PLD5: variants seen among roughly 807,000 people sequenced by gnomAD.
PLD5 encodes phospholipase D family member 5.
PLD5 carries 36 observed loss-of-function variants against 61.1 expected under a neutral mutation model. The ratio of observed to expected loss-of-function variants is 0.59; its 90% CI spans 0.45 to 0.78. PLD5 has a LOEUF of 0.78. Ranked by LOEUF, PLD5 falls within the 30% of genes least tolerant of loss-of-function variation. The pLI, the probability that PLD5 is intolerant of heterozygous loss-of-function variation, is 0.00. For missense variants in PLD5, 515 were observed against 644.4 expected (o/e 0.80, Z 2.17); for synonymous variants, 243 against 242.8 (o/e 1.00, Z -0.01).
intron 2 of PLD5, among the ~76,000 whole-genome samples, chr1:242,327,811 A>T (rs549672108): frequency 1.1e-4 from 16 of 152,306 alleles, no homozygotes; most frequent in African/African-American, 3.8e-4. Context: ...TCTATCAAGA[A>T]CCAGGCACAG....
intron 4 of PLD5, among the ~76,000 whole-genome samples, chr1:242,236,822 T>C (rs998933068): frequency 6.6e-6 from 1 of 152,242 alleles, no homozygotes; most frequent in Non-Finnish European, 1.5e-5. Flanking sequence ...CATTCCTTTT[T>C]CAACTTCAGA....
intron 1 of PLD5, among the ~76,000 whole-genome samples, chr1:242,455,735 A>G (rs998622354): frequency 6.6e-6 from 1 of 152,244 alleles, no homozygotes; most frequent in Non-Finnish European, 1.5e-5. Flanking sequence ...AGCTCACTTT[A>G]TATGGCATTT....
intron 1 of PLD5, among the ~76,000 whole-genome samples, chr1:242,353,405 G>T (rs964441616): frequency 6.6e-5 from 10 of 152,184 alleles, no homozygotes; most frequent in African/African-American, 2.2e-4. Context: ...GTACTATGTT[G>T]CTTTAATTAC....
chr1:242,398,816 G>A (rs903224456), intron 1 of PLD5, among the ~76,000 whole-genome samples: 4 of 152,192 alleles, frequency 2.6e-5, no homozygotes, highest in Non-Finnish European at 5.9e-5. Context: ...AGACTTGAGA[G>A]ATCTCCAAAT....
At chr1:242,399,014 A>G (rs1056023548) in intron 1 of PLD5, among the ~76,000 whole-genome samples, 1 of 152,202 alleles carries the variant, frequency 6.6e-6, no homozygotes, top group Non-Finnish European at 1.5e-5. Context: ...AGCTGTAAAA[A>G]GGGCCACATG....
At chr1:242,340,153 T>C (rs116288618) in intron 2 of PLD5, among the ~76,000 whole-genome samples, 1,810 of 152,340 alleles carry the variant, frequency 0.012, 28 homozygotes, top group African/African-American at 0.04. Flanking sequence ...ATTCTACTTT[T>C]CATCGCTATT....
chr1:242,523,162 C>T (rs575074990), intron 1 of PLD5, among the ~76,000 whole-genome samples: 1 of 152,298 alleles, frequency 6.6e-6, no homozygotes, highest in African/African-American at 2.4e-5. Flanking sequence ...GAAACCTCCA[C>T]ATTCCATTAG....
intron 5 of PLD5, among the ~76,000 whole-genome samples, chr1:242,154,700 G>T (rs4658657): frequency 7.2e-5 from 11 of 151,882 alleles, no homozygotes; most frequent in African/African-American, 2.4e-4. Flanking sequence ...AAGCTCACTT[G>T]GTCATGGTGG....
At chr1:242,167,718 G>A (rs927511753) in intron 5 of PLD5, among the ~76,000 whole-genome samples, 12 of 152,194 alleles carry the variant, frequency 7.9e-5, no homozygotes, top group Non-Finnish European at 1.3e-4. Flanking sequence ...GGCACAGAGA[G>A]GTACAGAAAC....
chr1:242,171,895 G>T (rs563350880), intron 5 of PLD5, among the ~76,000 whole-genome samples: 2 of 152,208 alleles, frequency 1.3e-5, no homozygotes, highest in East Asian at 3.9e-4. Flanking sequence ...GATTCATAAA[G>T]CAAGTTCTAA....
At chr1:242,250,717 G>A (rs889406422) in intron 4 of PLD5, among the ~76,000 whole-genome samples, 11 of 152,138 alleles carry the variant, frequency 7.2e-5, no homozygotes, top group African/African-American at 2.7e-4. Flanking sequence ...CAAAAAATTG[G>A]TAAAGCAAGG....
In PLD5 at chr1:242,155,063, T is replaced by C. The variant is rs111796413; in HGVS notation, c.736-30398A>G. 3.7e-3 allele frequency among the ~76,000 whole-genome samples: 569 copies of C among 152,320 alleles called. 6 individuals carry two copies. Among genetic ancestry groups the C allele is most frequent in the African/African-American group, 0.013 (541 of 41,558 alleles). ...ATTCAGGGATTTGGCTTCTTCCTAG[T>C]TTAGACTTGGGAGGGTGTATGTGTC... On this transcript the variant is annotated intron_variant, in intron 5 of 9. Coordinates refer to ENST00000536534, the MANE Select transcript of PLD5 (RefSeq NM_001372062.1).
At chr1:242,362,014 A>C (rs1661096158) in intron 1 of PLD5, among the ~76,000 whole-genome samples, 2 of 151,870 alleles carry the variant, frequency 1.3e-5, no homozygotes, top group Admixed American at 1.3e-4. Flanking sequence ...GAGGAAAAAA[A>C]TGGAATTTAC....
At chr1:242,187,236 A>G (rs1230130188) in intron 5 of PLD5, among the ~76,000 whole-genome samples, 2 of 152,194 alleles carry the variant, frequency 1.3e-5, no homozygotes, top group African/African-American at 4.8e-5. Flanking sequence ...TTGTATCATT[A>G]TCCTTCTCAC....
At chr1:242,376,930 C>T (rs1369022424) in intron 1 of PLD5, 48 of 1,603,564 alleles carry the variant, frequency 3.0e-5, no homozygotes, top group Non-Finnish European at 3.8e-5. Flanking sequence ...GGCTATTTCT[C>T]GGCTGAGCTC....
chr1:242,122,938 G>A (rs74153354), intron 6 of PLD5, among the ~76,000 whole-genome samples: 7,632 of 152,204 alleles, frequency 0.05, 657 homozygotes, highest in African/African-American at 0.17. Context: ...TATCAACCAA[G>A]GTTGAAATAG....
At chr1:242,320,016 A>T (rs1658281457) in intron 2 of PLD5, among the ~76,000 whole-genome samples, 1 of 152,164 alleles carries the variant, frequency 6.6e-6, no homozygotes, top group South Asian at 2.1e-4. Context: ...CTTTGGAAAA[A>T]AGCACAGACC....
chr1:242,273,857 G>A (rs1175746934), intron 3 of PLD5, among the ~76,000 whole-genome samples: 3 of 152,198 alleles, frequency 2.0e-5, no homozygotes, highest in East Asian at 3.9e-4. Context: ...AGGCTGGAAG[G>A]TGCAGCAGCA....
At chr1:242,151,534 G>C (rs146296885) in intron 5 of PLD5, among the ~76,000 whole-genome samples, 2 of 151,930 alleles carry the variant, frequency 1.3e-5, no homozygotes, top group African/African-American at 4.8e-5. Flanking sequence ...TCTAACTCTT[G>C]TCAATATTCC....
Sources: gnomAD v4.1 joint callset for allele counts (sites outside exome capture counted in the v4.1 genomes callset) on GRCh38, gnomAD v4.1.1 for gene constraint, MANE v1.5 for transcripts, NCBI Gene and HGNC (gene_info 2026-07-23, HGNC 2026-07-21) for gene names.